The following INSC variants were observed in gnomAD, a reference collection of about 807,000 sequenced individuals.
INSC encodes the protein protein inscuteable homolog.
Under a neutral mutation model 58.6 loss-of-function variants are expected in INSC, and 67 were observed. The observed-to-expected ratio is 1.14, with a 90% confidence interval of 0.94 to 1.40. The LOEUF (loss-of-function observed/expected upper bound fraction) is 1.40. Ranked by LOEUF, INSC falls within the 40% of genes most tolerant of loss-of-function variation. The pLI is 0.00. For synonymous variants in INSC, 262 were observed against 276.1 expected, an observed-to-expected ratio of 0.95 and a Z score of 0.51; for missense variants, 714 against 692.0, an observed-to-expected ratio of 1.03 and a Z score of -0.36.
chr11:15,126,083 G>C (rs2133695340), intron 1 of INSC, among the ~76,000 whole-genome samples: 1 of 152,324 alleles, frequency 6.6e-6, no homozygotes, highest in South Asian at 2.1e-4. Context: ...CCAGGCTAAG[G>C]AGTTCACATC....
At chr11:15,192,575 G>T (rs1461922567) in intron 6 of INSC, among the ~76,000 whole-genome samples, 1 of 152,160 alleles carries the variant, frequency 6.6e-6, no homozygotes, top group Non-Finnish European at 1.5e-5. Flanking sequence ...CACAAAGTGG[G>T]TACTCAAAGA....
At chr11:15,259,377 G>A in the INSC span, among the ~76,000 whole-genome samples, 1 of 152,064 alleles carries the variant, frequency 6.6e-6, no homozygotes, top group African/African-American at 2.4e-5. Context: ...ATTCTATTGT[G>A]GTATGCATGT....
chr11:15,256,998 G>A, the INSC span, among the ~76,000 whole-genome samples: 112,348 of 152,088 alleles, frequency 0.74, 41,671 homozygotes, highest in Middle Eastern at 0.8. Flanking sequence ...AAATTTTAAA[G>A]TTTCTTTATC....
chr11:15,175,920 A>G lies in INSC; in HGVS notation c.236A>G (p.Lys79Arg). 1 of 1,614,196 alleles carries G rather than the reference A, an allele frequency of 6.2e-7. No homozygotes were observed. Among genetic ancestry groups the G allele is most frequent in the Non-Finnish European group, 8.5e-7 (1 of 1,180,020 alleles). The change falls in exon 3 of 13, where the codon AAA becomes AGA. Residue 79 changes from lysine to arginine, a missense_variant. Lys to Arg is a conservative substitution (Grantham distance 26, BLOSUM62 2). Transcript: ENST00000379556. ...GPGDPLQLLLKRGWVISTELR... is the reference protein window; with the variant it reads ...GPGDPLQLLLRRGWVISTELR... ...GGAGACCCCCTGCAGCTGCTGCTCA[A>G]ACGGGGTTGGGTCATTAGCACAGAG...
At chr11:15,196,756 TACAAATAAC>T (rs1850386472) in intron 6 of INSC, among the ~76,000 whole-genome samples, 1 of 152,246 alleles carries the variant, frequency 6.6e-6, no homozygotes, top group Non-Finnish European at 1.5e-5. Flanking sequence ...AAGGGCTTTA[TACAAATAAC>T]ATATTTTAAC....
chr11:15,247,558 T>C (rs2133992983), downstream of INSC, among the ~76,000 whole-genome samples: 1 of 152,138 alleles, frequency 6.6e-6, no homozygotes, highest in East Asian at 1.9e-4. Flanking sequence ...TTTTATATTA[T>C]TCTCAGTATA....
At chr11:15,140,531 C>A (rs753851520) in intron 1 of INSC, among the ~76,000 whole-genome samples, 3 of 151,590 alleles carry the variant, frequency 2.0e-5, no homozygotes, top group Non-Finnish European at 4.4e-5. Flanking sequence ...GCTTGGCTTG[C>A]TGTGTGACCT....
intron 8 of INSC, among the ~76,000 whole-genome samples, chr11:15,222,669 C>T (rs115012084): frequency 1.1e-3 from 166 of 152,324 alleles, no homozygotes; most frequent in African/African-American, 3.9e-3. Flanking sequence ...ACTCGTTTCT[C>T]TCAAGGGTCC....
At chr11:15,208,779 G>C (rs763104512) in intron 7 of INSC, among the ~76,000 whole-genome samples, 1 of 152,182 alleles carries the variant, frequency 6.6e-6, no homozygotes, top group Non-Finnish European at 1.5e-5. Flanking sequence ...GCAGAGGCTC[G>C]GTGGGACCCC....
the INSC span, among the ~76,000 whole-genome samples, chr11:15,263,077 G>A: frequency 6.6e-6 from 1 of 152,146 alleles, no homozygotes; most frequent in African/African-American, 2.4e-5. Flanking sequence ...TAAAATAATT[G>A]AAATGAGAAT....
chr11:15,206,120 T>C (rs759157762), intron 7 of INSC, among the ~76,000 whole-genome samples: 2 of 152,314 alleles, frequency 1.3e-5, no homozygotes, highest in East Asian at 3.9e-4. Context: ...CCTCATTCCC[T>C]ACCCCTATGC....
At chr11:15,116,876 TCCCCCTCC>T (rs1314674307) in intron 1 of INSC, among the ~76,000 whole-genome samples, 2 of 20,394 alleles carry the variant, frequency 9.8e-5, no homozygotes, top group African/African-American at 4.4e-4. Context: ...TCTCTCTCTC[TCCCCCTCC>T]CTCCCTCCCT....
chr11:15,184,120 C>A (rs755260292), intron 5 of INSC, among the ~76,000 whole-genome samples: 4 of 151,924 alleles, frequency 2.6e-5, no homozygotes, highest in Non-Finnish European at 4.4e-5. Flanking sequence ...ATATATGTAC[C>A]TATTTACTAA....
downstream of INSC, among the ~76,000 whole-genome samples, chr11:15,249,745 G>C (rs1402279872): frequency 2.0e-5 from 3 of 152,188 alleles, no homozygotes; most frequent in Non-Finnish European, 4.4e-5. Context: ...TTCTACACCA[G>C]CCCTTGGCTC....
At chr11:15,135,369 C>T (rs1277929651) in intron 1 of INSC, among the ~76,000 whole-genome samples, 2 of 152,162 alleles carry the variant, frequency 1.3e-5, no homozygotes, top group Non-Finnish European at 2.9e-5. Context: ...GATCATGTGG[C>T]CCATGTACCT....
At chr11:15,262,487 TG>T in the INSC span, among the ~76,000 whole-genome samples, 3 of 152,090 alleles carry the variant, frequency 2.0e-5, no homozygotes, top group African/African-American at 7.2e-5. Flanking sequence ...TAAAGGATTT[TG>T]TCCTCAGTAT....
chr11:15,167,043 AT>A (rs5789863), intron 2 of INSC, among the ~76,000 whole-genome samples: 10,958 of 151,542 alleles, frequency 0.072, 442 homozygotes, highest in Non-Finnish European at 0.095. Context: ...TTACTGGTGG[AT>A]TTTTTTTTAT....
chr11:15,247,825 G>A (rs2133993274), downstream of INSC, among the ~76,000 whole-genome samples: 1 of 149,256 alleles, frequency 6.7e-6, no homozygotes, highest in South Asian at 2.1e-4. Flanking sequence ...GACAACTTTT[G>A]TTAATATCAT....
intron 7 of INSC, among the ~76,000 whole-genome samples, chr11:15,202,204 G>A (rs1850620558): frequency 6.6e-6 from 1 of 152,102 alleles, no homozygotes; most frequent in Admixed American, 6.6e-5. Flanking sequence ...CCACCGGGTT[G>A]GAAGTCTTCA....
Sources: allele counts gnomAD v4.1 joint callset (sites outside exome capture counted in the v4.1 genomes callset), GRCh38; gene constraint gnomAD v4.1.1; transcripts MANE v1.5; gene names NCBI Gene and HGNC (gene_info 2026-07-23, HGNC 2026-07-21).